The following SLCO5A1 variants were observed in gnomAD, a reference collection of about 807,000 sequenced individuals.
The protein encoded by SLCO5A1 is organic anion transporter polypeptide-related protein 4.
A neutral mutation model predicts 65.1 loss-of-function variants in SLCO5A1; 39 were observed. The ratio of observed to expected loss-of-function variants is 0.60; its 90% CI spans 0.46 to 0.78. SLCO5A1 has a LOEUF of 0.78. Ranked by LOEUF, SLCO5A1 falls within the 30% of genes least tolerant of loss-of-function variation. The pLI, the probability that SLCO5A1 is intolerant of heterozygous loss-of-function variation, is 0.00. For missense variants in SLCO5A1, 1,029 were observed against 1,069.4 expected (o/e 0.96, Z 0.53); for synonymous variants, 438 against 415.7 (o/e 1.05, Z -0.65).
chr8:69,696,721 T>A (rs1290211537), intron 6 of SLCO5A1, among the ~76,000 whole-genome samples: 2 of 152,094 alleles, frequency 1.3e-5, no homozygotes, highest in African/African-American at 4.8e-5. Flanking sequence ...AAGCCCAGAA[T>A]AAACAAACAG....
At chr8:69,677,932 G>A (rs1813615507) in intron 8 of SLCO5A1, among the ~76,000 whole-genome samples, 2 of 151,216 alleles carry the variant, frequency 1.3e-5, no homozygotes, top group African/African-American at 4.9e-5. Context: ...CCCCTTCCCT[G>A]CACTGCACCC....
intron 2 of SLCO5A1, among the ~76,000 whole-genome samples, chr8:69,801,124 ATTTACCATGAC>A (rs1174695774): frequency 6.6e-6 from 1 of 152,164 alleles, no homozygotes; most frequent in Non-Finnish European, 1.5e-5. Flanking sequence ...TAACATAATT[ATTTACCATGAC>A]TTTACCTTAC....
rs150913191 is a variant in SLCO5A1, at chr8:69,756,709, G to A, written c.1041-1068C>T. 5.2e-3 allele frequency among the ~76,000 whole-genome samples: 798 copies of A among 152,354 alleles called. 6 individuals carry two copies. Among genetic ancestry groups the A allele is most frequent in the Non-Finnish European group, 8.0e-3 (545 of 68,032 alleles). ...GAGCTATTAGACTCAGAATTCTGTC[G>A]TGAAATTCACCTGAGATTGCCACGT... On this transcript the variant is annotated intron_variant, in intron 3 of 9. Coordinates refer to ENST00000260126, the MANE Select transcript of SLCO5A1 (RefSeq NM_030958.3).
rs1162202158 is a variant in SLCO5A1, at chr8:69,670,541, A to G, written c.*2328T>C. 1 of 152,178 alleles carries G rather than the reference A, an allele frequency of 6.6e-6. No individual in the cohort carries two copies. Among genetic ancestry groups the G allele is most frequent in the East Asian group, 1.9e-4 (1 of 5,194 alleles). 9.4% of individuals were successfully genotyped at this position (152,178 alleles called of 1,614,324 possible). A position where few individuals can be genotyped will look rare whatever the true frequency, so the allele number is the denominator to read the frequency against. ...ATACTTGAGGAAGTACAATATTAAC[A>G]CTGTGGTGCACATTTCAGGCCCATT... On this transcript the variant is annotated 3_prime_UTR_variant, in exon 10 of 10. Coordinates refer to ENST00000260126, the MANE Select transcript of SLCO5A1 (RefSeq NM_030958.3).
chr8:69,756,328 T>C (rs1207543611), intron 3 of SLCO5A1, among the ~76,000 whole-genome samples: 1 of 151,924 alleles, frequency 6.6e-6, no homozygotes, highest in Non-Finnish European at 1.5e-5. Flanking sequence ...TCACTTGAAC[T>C]TGGGAGGCGG....
chr8:69,675,440 G>T (rs750822413), intron 9 of SLCO5A1, among the ~76,000 whole-genome samples: 4 of 152,078 alleles, frequency 2.6e-5, no homozygotes. Context: ...GCCTCCCAAA[G>T]TGCAGGGATT....
At chr8:69,797,486 C>A (rs1819551686) in intron 2 of SLCO5A1, among the ~76,000 whole-genome samples, 1 of 152,238 alleles carries the variant, frequency 6.6e-6, no homozygotes, top group Non-Finnish European at 1.5e-5. Flanking sequence ...TGCCGGTGAG[C>A]TGGGCGGAAC....
intron 2 of SLCO5A1, among the ~76,000 whole-genome samples, chr8:69,818,672 G>T (rs963707045): frequency 3.3e-5 from 5 of 152,172 alleles, no homozygotes; most frequent in Non-Finnish European, 5.9e-5. Context: ...CCTTTGTTTT[G>T]CAGTTAGACC....
chr8:69,802,320 T>C (rs1465317534), intron 2 of SLCO5A1, among the ~76,000 whole-genome samples: 1 of 151,354 alleles, frequency 6.6e-6, no homozygotes, highest in Non-Finnish European at 1.5e-5. Flanking sequence ...CTGGGCAACA[T>C]AGTGAGACCT....
chr8:69,824,333 CA>C (rs1563377176), intron 2 of SLCO5A1, among the ~76,000 whole-genome samples: 1 of 152,048 alleles, frequency 6.6e-6, no homozygotes, highest in Non-Finnish European at 1.5e-5. Context: ...TTAATGAATC[CA>C]GGAGCTGGTT....
intron 2 of SLCO5A1, among the ~76,000 whole-genome samples, chr8:69,821,805 CAAAA>C (rs11284619): frequency 5.2e-5 from 6 of 115,274 alleles, no homozygotes; most frequent in Admixed American, 9.4e-5. Context: ...GACTTTGTCT[CAAAA>C]AAAAAAAAAA....
intron 4 of SLCO5A1, among the ~76,000 whole-genome samples, chr8:69,741,237 A>T (rs1446829891): frequency 6.6e-6 from 1 of 152,226 alleles, no homozygotes; most frequent in Non-Finnish European, 1.5e-5. Flanking sequence ...TACGGAGAAA[A>T]TACTCATGTT....
intron 2 of SLCO5A1, 73 bp downstream of exon 2, chr8:69,831,694 T>C: frequency 1.4e-6 from 2 of 1,439,682 alleles, no homozygotes; most frequent in African/African-American, 1.4e-5. Context: ...AGAACATGTT[T>C]CCTTTTGATT....
At chr8:69,764,802 C>G (rs1027608622) in intron 2 of SLCO5A1, among the ~76,000 whole-genome samples, 2 of 152,144 alleles carry the variant, frequency 1.3e-5, no homozygotes, top group Non-Finnish European at 2.9e-5. Flanking sequence ...ATGAATCATT[C>G]TCCCAAAATA....
At chr8:69,674,264 C>T (rs1475616638) in intron 9 of SLCO5A1, among the ~76,000 whole-genome samples, 1 of 151,952 alleles carries the variant, frequency 6.6e-6, no homozygotes, top group African/African-American at 2.4e-5. Context: ...TCTTTGCATC[C>T]CAAAGACCTC....
intron 5 of SLCO5A1, among the ~76,000 whole-genome samples, chr8:69,734,709 A>G (rs1236340058): frequency 6.6e-6 from 1 of 152,246 alleles, no homozygotes; most frequent in African/African-American, 2.4e-5. Flanking sequence ...AACAAATTGC[A>G]GTGAAGGTCA....
chr8:69,820,411 T>C (rs1343456663), intron 2 of SLCO5A1, among the ~76,000 whole-genome samples: 2 of 152,384 alleles, frequency 1.3e-5, no homozygotes, highest in East Asian at 3.9e-4. Flanking sequence ...CATGGTTATA[T>C]GGTTCCAGAG....
intron 2 of SLCO5A1, among the ~76,000 whole-genome samples, chr8:69,787,812 T>C (rs1246084640): frequency 6.6e-6 from 1 of 152,196 alleles, no homozygotes; most frequent in East Asian, 1.9e-4. Context: ...TGCAAACAGA[T>C]GCCAGGCACT....
chr8:69,767,903 A>AC (rs1269993364), intron 2 of SLCO5A1, among the ~76,000 whole-genome samples: 1 of 138,468 alleles, frequency 7.2e-6, no homozygotes, highest in Non-Finnish European at 1.5e-5. Flanking sequence ...AAAAAAAAAA[A>AC]AAAAAAAACA....
Sources: gnomAD v4.1 joint callset for allele counts (sites outside exome capture counted in the v4.1 genomes callset) on GRCh38, gnomAD v4.1.1 for gene constraint, MANE v1.5 for transcripts, NCBI Gene and HGNC (gene_info 2026-07-23, HGNC 2026-07-21) for gene names.